The following AKR1C8 variants were observed in gnomAD, a reference collection of about 807,000 sequenced individuals.
AKR1C8 encodes aldo-keto reductase family 1 member C8.
At chr10:5,166,421 T>C in the AKR1C8 span, among the ~76,000 whole-genome samples, 1 of 152,186 alleles carries the variant, frequency 6.6e-6, no homozygotes, top group Admixed American at 6.5e-5. Context: ...AACAGCATGG[T>C]ACTGGTACCA....
At chr10:5,150,947 T>G in the AKR1C8 span, among the ~76,000 whole-genome samples, 1 of 152,186 alleles carries the variant, frequency 6.6e-6, no homozygotes. Context: ...AGAGTTTTAT[T>G]ACTACTCAAA....
the AKR1C8 span, among the ~76,000 whole-genome samples, chr10:5,119,347 T>C: frequency 6.6e-6 from 1 of 152,186 alleles, no homozygotes; most frequent in Non-Finnish European, 1.5e-5. Flanking sequence ...TAATATTTGA[T>C]AGCTTGGAAA....
At chr10:5,134,493 T>G in the AKR1C8 span, among the ~76,000 whole-genome samples, 4 of 152,216 alleles carry the variant, frequency 2.6e-5, no homozygotes, top group Admixed American at 2.6e-4. Flanking sequence ...CCATACCATT[T>G]TGATACAAAT....
chr10:5,142,930 G>A, the AKR1C8 span, among the ~76,000 whole-genome samples: 1 of 151,926 alleles, frequency 6.6e-6, no homozygotes, highest in Non-Finnish European at 1.5e-5. Flanking sequence ...AAAAAATACA[G>A]TATCTTTGAA....
At chr10:5,159,504 G>A in the AKR1C8 span, among the ~76,000 whole-genome samples, 1 of 152,004 alleles carries the variant, frequency 6.6e-6, no homozygotes, top group South Asian at 2.1e-4. Context: ...CTCTCCTGTG[G>A]ATCTTCCTAC....
the AKR1C8 span, among the ~76,000 whole-genome samples, chr10:5,178,912 T>C: frequency 5.3e-5 from 8 of 152,342 alleles, no homozygotes; most frequent in African/African-American, 1.9e-4. Flanking sequence ...AGCACACTGA[T>C]GGGTCTTGAC....
At chr10:5,176,984 A>C in the AKR1C8 span, among the ~76,000 whole-genome samples, 13 of 151,670 alleles carry the variant, frequency 8.6e-5, no homozygotes, top group African/African-American at 3.1e-4. Context: ...TCTCCTGCCT[A>C]ATTGCCCTGG....
At chr10:5,178,144 G>A in the AKR1C8 span, among the ~76,000 whole-genome samples, 15 of 152,240 alleles carry the variant, frequency 9.9e-5, no homozygotes, top group East Asian at 2.1e-3. Flanking sequence ...TCTACACACT[G>A]CTTTGAATGT....
At chr10:5,153,576 T>C in the AKR1C8 span, among the ~76,000 whole-genome samples, 4 of 152,172 alleles carry the variant, frequency 2.6e-5, no homozygotes, top group Admixed American at 6.5e-5. Flanking sequence ...GTAGGATGCA[T>C]GGCTGGGTAA....
At chr10:5,177,547 A>G in the AKR1C8 span, among the ~76,000 whole-genome samples, 1 of 152,196 alleles carries the variant, frequency 6.6e-6, no homozygotes, top group African/African-American at 2.4e-5. Context: ...TAGTTTCAGA[A>G]GGAATGGTAC....
chr10:5,162,597 TA>T, the AKR1C8 span, among the ~76,000 whole-genome samples: 1 of 152,222 alleles, frequency 6.6e-6, no homozygotes, highest in Non-Finnish European at 1.5e-5. Flanking sequence ...GTGGCTTGGT[TA>T]ATCCATACAA....
the AKR1C8 span, among the ~76,000 whole-genome samples, chr10:5,122,912 C>G: frequency 6.6e-6 from 1 of 152,066 alleles, no homozygotes; most frequent in South Asian, 2.1e-4. Context: ...ATATGAAATT[C>G]ATACTGAGTA....
At chr10:5,118,208 T>C in the AKR1C8 span, among the ~76,000 whole-genome samples, 5 of 152,244 alleles carry the variant, frequency 3.3e-5, no homozygotes, top group Admixed American at 3.3e-4. Flanking sequence ...ACATTCCTTT[T>C]TCAAAAGGGA....
the AKR1C8 span, among the ~76,000 whole-genome samples, chr10:5,164,350 T>C: frequency 6.6e-6 from 1 of 152,080 alleles, no homozygotes; most frequent in Admixed American, 6.6e-5. Flanking sequence ...TCTTCTTTCA[T>C]TTATTAAACT....
the AKR1C8 span, among the ~76,000 whole-genome samples, chr10:5,140,249 A>G: frequency 2.2e-4 from 33 of 152,176 alleles, no homozygotes; most frequent in African/African-American, 6.8e-4. Context: ...CGATTTCTCA[A>G]GGATCTAGAA....
the AKR1C8 span, chr10:5,157,650 G>T: frequency 6.4e-6 from 3 of 472,186 alleles, no homozygotes; most frequent in South Asian, 4.6e-5. Flanking sequence ...AGTTCTCTTT[G>T]ATTCTCTCCT....
the AKR1C8 span, among the ~76,000 whole-genome samples, chr10:5,125,194 T>C: frequency 6.6e-6 from 1 of 152,166 alleles, no homozygotes; most frequent in African/African-American, 2.4e-5. Context: ...TATGGTATCA[T>C]TAATTTTTTT....
At chr10:5,160,847 T>C in the AKR1C8 span, 3 of 471,026 alleles carry the variant, frequency 6.4e-6, no homozygotes, top group South Asian at 1.5e-5. Flanking sequence ...GTTTCTAAAA[T>C]AATCTCTCCA....
chr10:5,157,691 C>T, the AKR1C8 span: 2 of 472,896 alleles, frequency 4.2e-6, no homozygotes, highest in South Asian at 3.1e-5. Context: ...ACCACCACTC[C>T]CCGCTGCAGC....
Sources: allele counts gnomAD v4.1 joint callset (sites outside exome capture counted in the v4.1 genomes callset), GRCh38; gene constraint gnomAD v4.1.1; transcripts MANE v1.5; gene names NCBI Gene and HGNC (gene_info 2026-07-23, HGNC 2026-07-21).